SQLE: variants seen among roughly 807,000 people sequenced by gnomAD.
SQLE encodes squalene monooxygenase.
In SQLE, 29 loss-of-function variants were observed where a neutral mutation model predicts 60.7. That is an observed-to-expected ratio of 0.48 (90% CI 0.36 to 0.65). The LOEUF (loss-of-function observed/expected upper bound fraction) is 0.65, where lower values mean the gene tolerates loss of function less well. Ranked by LOEUF, SQLE falls within the 30% of genes least tolerant of loss-of-function variation. SQLE has a pLI of 0.00. For missense variants in SQLE, 605 were observed against 684.1 expected (o/e 0.88, Z 1.29); for synonymous variants, 237 against 246.8 (o/e 0.96, Z 0.37).
In SQLE at chr8:125,017,713, A is replaced by G. The variant is rs569153013; in HGVS notation, c.1205-346A>G. Reference sequence around the variant, plus strand: ...CAGAGGACTTGCTTTGTATACCTGGATACCTGTAGATTCTTTTTATTTTCT... The same window carrying G: ...CAGAGGACTTGCTTTGTATACCTGGGTACCTGTAGATTCTTTTTATTTTCT... On this transcript the variant is annotated intron_variant, in intron 7 of 10. Coordinates refer to ENST00000265896, the MANE Select transcript of SQLE (RefSeq NM_003129.4). Among the ~76,000 whole-genome samples the G allele has an allele frequency of 1.7e-3, 261 of 152,258 alleles. 1 individual carries two copies. Among genetic ancestry groups the G allele is most frequent in the African/African-American group, 5.9e-3 (245 of 41,546 alleles).
At chr8:125,002,632 G>A (rs1414780838) in intron 1 of SQLE, among the ~76,000 whole-genome samples, 1 of 152,158 alleles carries the variant, frequency 6.6e-6, no homozygotes, top group Non-Finnish European at 1.5e-5. Context: ...ATCCGAGATT[G>A]CGCCATTGCA....
chr8:125,020,917 A>G (rs1815194170), intron 10 of SQLE, 46 bp downstream of exon 10: 1 of 1,335,546 alleles, frequency 7.5e-7, no homozygotes, highest in African/African-American at 1.4e-5. Context: ...AGATTTTCTT[A>G]GGACTGTTCA....
Position 125,003,215 on chromosome 8 carries a change from G to C in SQLE, c.331G>C (p.Gly111Arg). 6.2e-7 allele frequency: 1 copy of C among 1,613,346 alleles called. No individual in the cohort carries two copies. The highest frequency in any genetic ancestry group is 8.5e-7 in the Non-Finnish European group (1 of 1,179,698). Residue 111 changes from glycine (G) to arginine (R), a missense_variant, in exon 2 of 11, where the codon GGA (glycine) becomes CGA (arginine). Transcript: ENST00000265896. ...GTNISETSLI[G>R]TAACTSTSSQ... ...CAATATTTCAGAAACAAGCTTAATAGGAACAGCTGCCTGTACATCAACATC... is the reference window on the plus strand; with the variant it reads ...CAATATTTCAGAAACAAGCTTAATACGAACAGCTGCCTGTACATCAACATC...
Position 125,022,205 on chromosome 8 carries a change from T to C in SQLE, c.*260T>C. On this transcript the variant is annotated 3_prime_UTR_variant, in exon 11 of 11. Transcript: ENST00000265896. ...TGTTACCATAAATTAGTGCTAATGC[T>C]GAGGAGAACTACAGTTTTTCTTTTG... 1 of 243,410 alleles carries C rather than the reference T, an allele frequency of 4.1e-6. No homozygotes were observed. Among genetic ancestry groups the C allele is most frequent in the Non-Finnish European group, 7.8e-6 (1 of 127,878 alleles). The allele number at this position is 243,410 out of a possible 1,614,324, so 15.1% of individuals were successfully genotyped here.
rs71576761 is a variant in SQLE at position 125,013,356 on chromosome 8, C to CTTTTTCTTTTTTTT, written c.1204+1729_1204+1730insCTTTTTTTTTTTTT. On this transcript the variant is annotated intron_variant, in intron 7 of 10. Transcript: ENST00000265896. ...AGATTTACTCCTATGTTTTCTTTTT[C>CTTTTTCTTTTTTTT]TTTTTTTTTTTTTGAGATGGAGTTT... 3.2e-4 allele frequency among the ~76,000 whole-genome samples: 44 copies of CTTTTTCTTTTTTTT among 136,414 alleles called. 2 individuals carry two copies. Among genetic ancestry groups the CTTTTTCTTTTTTTT allele is most frequent in the Middle Eastern group, 3.8e-3 (1 of 262 alleles). The allele number at this position is 136,414 out of a possible 152,430, so 89.5% of individuals were successfully genotyped here.
At chr8:125,002,296 G>A (rs116637903) in intron 1 of SQLE, among the ~76,000 whole-genome samples, 36 of 152,252 alleles carry the variant, frequency 2.4e-4, no homozygotes, top group African/African-American at 8.7e-4. Context: ...GGCAGGATTT[G>A]ACAATCCTTT....
chr8:125,007,988 TCAA>T (rs1814981767), intron 4 of SQLE, among the ~76,000 whole-genome samples: 1 of 152,356 alleles, frequency 6.6e-6, no homozygotes, highest in African/African-American at 2.4e-5. Context: ...AAGGCAAGAT[TCAA>T]CATAAAAGAA....
chr8:125,010,738 C>T (rs1311651049), intron 6 of SQLE, among the ~76,000 whole-genome samples: 2 of 151,582 alleles, frequency 1.3e-5, no homozygotes, highest in Non-Finnish European at 2.9e-5. Flanking sequence ...ATATTTTTAG[C>T]ATTTATTTTT....
chr8:125,020,945 A>G (rs1421942040), intron 10 of SQLE, 74 bp downstream of exon 10: 8 of 1,000,782 alleles, frequency 8.0e-6, no homozygotes, highest in Non-Finnish European at 6.3e-6. Flanking sequence ...AATTACTGCA[A>G]ATCTTTCTTC....
At chr8:125,000,300 C>T (rs932749320) in intron 1 of SQLE, among the ~76,000 whole-genome samples, 5 of 152,166 alleles carry the variant, frequency 3.3e-5, no homozygotes, top group African/African-American at 1.2e-4. Context: ...GAGGCGGCCA[C>T]TGGGAGAAGA....
chr8:125,008,354 G>T (rs1189296976), intron 4 of SQLE, among the ~76,000 whole-genome samples: 1 of 152,130 alleles, frequency 6.6e-6, no homozygotes, highest in Non-Finnish European at 1.5e-5. Context: ...CTCCCAAAGT[G>T]CTGGGATTAC....
Position 125,021,766 on chromosome 8 carries a change from C to T in SQLE, c.1546C>T (p.Pro516Ser). The T allele has an allele frequency of 6.2e-7, 1 of 1,601,600 alleles. No individual in the cohort carries two copies. Among genetic ancestry groups the T allele is most frequent in the Non-Finnish European group, 8.5e-7 (1 of 1,173,354 alleles). ...TTTCTATTACAGATTGTCTCCTAAC[C>T]CTCTAGTTTTAATTGGACACTTCTT... ...VGLLSVLSPNPLVLIGHFFAV... is the reference protein window; with the variant it reads ...VGLLSVLSPNSLVLIGHFFAV... Residue 516 changes from proline to serine, a missense_variant, in exon 11 of 11, where the codon CCT becomes TCT. Physicochemically the swap from Pro to Ser is moderately conservative, Grantham distance 74. Transcript: ENST00000265896.
At chr8:125,013,537 G>C (rs1815070197) in intron 7 of SQLE, among the ~76,000 whole-genome samples, 1 of 151,948 alleles carries the variant, frequency 6.6e-6, no homozygotes, top group Non-Finnish European at 1.5e-5. Context: ...ATTTTTAGTA[G>C]AGACGGGGTT....
At chr8:125,006,573 A>G (rs1814950191) in intron 3 of SQLE, among the ~76,000 whole-genome samples, 1 of 148,666 alleles carries the variant, frequency 6.7e-6, no homozygotes, top group African/African-American at 2.5e-5. Flanking sequence ...GTGAGCCGAG[A>G]TAGCGCCACT....
intron 6 of SQLE, among the ~76,000 whole-genome samples, chr8:125,009,987 G>A (rs1815015698): frequency 6.6e-6 from 1 of 152,112 alleles, no homozygotes; most frequent in Non-Finnish European, 1.5e-5. Context: ...TTTCTTGAAT[G>A]CTTACTATAA....
At chr8:125,018,299 C>T in intron 8 of SQLE, 98 bp downstream of exon 8, 1 of 1,247,122 alleles carries the variant, frequency 8.0e-7, no homozygotes, top group Middle Eastern at 2.0e-4. Context: ...ACTAAGGAAC[C>T]TGATGCTTTA....
At chr8:124,999,955 A>G (rs1814815012) in intron 1 of SQLE, 1 of 642,344 alleles carries the variant, frequency 1.6e-6, no homozygotes. Context: ...ATGGAACGAA[A>G]TGTTAGAATT....
Position 125,018,661 on chromosome 8 carries a change from A to G in SQLE, c.1378A>G (p.Thr460Ala), listed in dbSNP as rs1815149501. ...AKKSFYWARK[T>A]SHSFVVNILA... ...AAAATCATTTTACTGGGCAAGAAAA[A>G]CATCTCATTCCTTTGTCGTGAATAT... The change falls in exon 9 of 11, where the codon ACA becomes GCA. Residue 460 changes from threonine (T) to alanine (A), a missense_variant. Physicochemically the swap from Thr to Ala is moderately conservative, Grantham distance 58. Coordinates refer to ENST00000265896, the MANE Select transcript of SQLE (RefSeq NM_003129.4). 1.9e-6 allele frequency: 3 copies of G among 1,604,084 alleles called. No homozygotes were observed. The highest frequency in any genetic ancestry group is 2.5e-6 in the Non-Finnish European group (3 of 1,177,424).
chr8:125,002,284 TAGGC>T (rs1814867574), intron 1 of SQLE, among the ~76,000 whole-genome samples: 1 of 152,224 alleles, frequency 6.6e-6, no homozygotes, highest in African/African-American at 2.4e-5. Flanking sequence ...AATAGATTGG[TAGGC>T]AGGATTTGAC....
Sources: allele counts gnomAD v4.1 joint callset (sites outside exome capture counted in the v4.1 genomes callset), GRCh38; gene constraint gnomAD v4.1.1; transcripts MANE v1.5; gene names NCBI Gene and HGNC (gene_info 2026-07-23, HGNC 2026-07-21).